Variants in CFAP46 observed in about 807,000 individuals in gnomAD.
The protein encoded by CFAP46 is cilia and flagella associated protein 46, also known as cilia- and flagella-associated protein 46.
CFAP46 carries 245 observed loss-of-function variants against 325.7 expected under a neutral mutation model. That is an observed-to-expected ratio of 0.75 (90% CI 0.68 to 0.84). The LOEUF (loss-of-function observed/expected upper bound fraction) is 0.84. Among genes scored for constraint, CFAP46 ranks in the 40% least tolerant of loss-of-function variants. The pLI, the probability that CFAP46 is intolerant of heterozygous loss-of-function variation, is 0.00. For synonymous variants in CFAP46, 1,523 were observed against 1,495.9 expected (o/e 1.02, Z -0.42); for missense variants, 3,346 against 3,543.0 (o/e 0.94, Z 1.41).
At position 132,834,599 on chromosome 10, in the gene CFAP46, C is replaced by T. The variant is rs974289607; in HGVS notation, c.6866+55G>A. ...ACGTGGTTGGCCACAGCACTGGACA[C>T]ACGTGTCCATGCGTGAGCGTGGTGG... On this transcript the variant is annotated intron_variant, in intron 48 of 57. Coordinates refer to ENST00000368586, the MANE Select transcript of CFAP46 (RefSeq NM_001200049.3). 2.5e-5 allele frequency: 40 copies of T among 1,599,534 alleles called. No individual in the cohort carries two copies. In the African/African-American group the frequency reaches 4.8e-4, roughly 19 times the overall value.
intron 22 of CFAP46, among the ~76,000 whole-genome samples, chr10:132,901,272 C>T (rs750141608): frequency 6.6e-6 from 1 of 152,204 alleles, no homozygotes; most frequent in East Asian, 1.9e-4. Flanking sequence ...GGTTCGTTTA[C>T]GTTTAATGGA....
rs140185143 is a variant in CFAP46, at chr10:132,922,700, G to C, written c.1265C>G (p.Thr422Arg). 3.9e-6 allele frequency: 6 copies of C among 1,546,328 alleles called. No individual in the cohort carries two copies. Among genetic ancestry groups the C allele is most frequent in the Non-Finnish European group, 5.2e-6 (6 of 1,144,014 alleles). Reference sequence around the variant, plus strand: ...CATGTGCACTTGACAGCGGAGAAGCGTCATGAGGCTGCGGGGGTGGCGTGG... The same window carrying C: ...CATGTGCACTTGACAGCGGAGAAGCCTCATGAGGCTGCGGGGGTGGCGTGG... ...DVLEKLDSLM[T>R]LLRCQVHMEM... The change falls in exon 12 of 58, where the codon ACG becomes AGG. Residue 422 changes from threonine (T) to arginine (R), a missense_variant. Coordinates refer to ENST00000368586, the MANE Select transcript of CFAP46 (RefSeq NM_001200049.3).
rs777947074 is a variant in CFAP46, at chr10:132,923,894, C to A, written c.1256+802G>T. ...CCTCCAAAAGGTATAGTCGAGAAAC[C>A]AAGAAGCCAATAGAGAAAACTAAAT... On this transcript the variant is annotated intron_variant, in intron 11 of 57. Transcript: ENST00000368586. Among the ~76,000 whole-genome samples the A allele has an allele frequency of 2.6e-5, 4 of 152,206 alleles. No homozygotes were observed. The East Asian group carries it at 5.8e-4, about 22-fold the overall frequency.
In CFAP46 at chr10:132,881,046, C is replaced by G; in HGVS notation, c.3628-14G>C. 6.5e-7 allele frequency: 1 copy of G among 1,549,942 alleles called. No homozygotes were observed. Among genetic ancestry groups the G allele is most frequent in the Non-Finnish European group, 8.7e-7 (1 of 1,146,630 alleles). On this transcript the variant is annotated splice_polypyrimidine_tract_variant and intron_variant, in intron 27 of 57. Transcript: ENST00000368586. ...CATCTCAGGCTTCTGTGGGATTGAACAGGAAGGGTGACATCCTCAGGATGG... is the reference window on the plus strand; with the variant it reads ...CATCTCAGGCTTCTGTGGGATTGAAGAGGAAGGGTGACATCCTCAGGATGG...
chr10:132,936,997 C>A lies in CFAP46; in HGVS notation c.719G>T (p.Ser240Ile). Residue 240 changes from serine (S) to isoleucine (I), a missense_variant, in exon 7 of 58, where the codon AGC (serine) becomes ATC (isoleucine). Physicochemically the swap from Ser to Ile is moderately radical, Grantham distance 142 (BLOSUM62 -2). Coordinates refer to ENST00000368586, the MANE Select transcript of CFAP46 (RefSeq NM_001200049.3). The part of the protein sequence containing the change: ...QLKEEKKNSI[S>I]LSVTFYINML... ...ATTAATATAGAAAGTGACTGACAGG[C>A]TAATGGAATTTTTCTTTTCTTCCTT... The A allele has an allele frequency of 6.5e-7, 1 of 1,545,904 alleles. No individual in the cohort carries two copies. The highest frequency in any genetic ancestry group is 1.3e-5 in the South Asian group (1 of 78,758).
intron 50 of CFAP46, among the ~76,000 whole-genome samples, chr10:132,826,757 G>A (rs1313181898): frequency 6.6e-6 from 1 of 152,124 alleles, no homozygotes; most frequent in Non-Finnish European, 1.5e-5. Flanking sequence ...TGGAGCCACA[G>A]AGCCAGGCAG....
chr10:132,859,071 C>G lies in CFAP46; in HGVS notation c.5375G>C (p.Arg1792Thr). The G allele has an allele frequency of 6.5e-7, 1 of 1,550,236 alleles. No homozygotes were observed. Among genetic ancestry groups the G allele is most frequent in the Admixed American group, 2.0e-5 (1 of 50,994 alleles). ...GCAGGGGTCGTGGAGGCAGCCTTAC[C>G]TCTTGATCTTCGCACGCTCTAGTTT... ...DVKLERAKIK[R>T]LRAQNEKDEE... The change falls in exon 38 of 58, where the codon AGG (arginine) becomes ACG (threonine). Residue 1792 changes from arginine to threonine, a missense_variant and splice_region_variant. Physicochemically the swap from Arg to Thr is moderately conservative, Grantham distance 71. Transcript: ENST00000368586.
chr10:132,910,426 G>T (rs1260824757), intron 19 of CFAP46, among the ~76,000 whole-genome samples: 3 of 152,252 alleles, frequency 2.0e-5, no homozygotes, highest in Admixed American at 1.3e-4. Flanking sequence ...AGCCCCGAAA[G>T]TGGGGGCGTG....
rs899709488 is a variant in CFAP46, at chr10:132,832,398, C to CCCCCGG, written c.7117+959_7117+960insCCGGGG. On this transcript the variant is annotated intron_variant, in intron 50 of 57. Coordinates refer to ENST00000368586, the MANE Select transcript of CFAP46 (RefSeq NM_001200049.3). The surrounding 1 kb of genome is among the most constrained non-coding windows in gnomAD (Gnocchi z 4.1). ...CCCTGGGCTCTTCCTGCCCCCCCCC[C>CCCCCGG]CCAATGCTGTGGCCTGGAAATTCCC... is the stretch of plus-strand genomic sequence containing the variant. 1.7e-4 allele frequency among the ~76,000 whole-genome samples: 23 copies of CCCCCGG among 133,006 alleles called. No homozygotes were observed. Among genetic ancestry groups the CCCCCGG allele is most frequent in the African/African-American group, 6.0e-4 (21 of 35,158 alleles). 87.3% of individuals were successfully genotyped at this position (133,006 alleles called of 152,430 possible). A position where few individuals can be genotyped will look rare whatever the true frequency, so the allele number is the denominator to read the frequency against.
chr10:132,918,436 T>G lies in CFAP46; in HGVS notation c.1943A>C (p.Asp648Ala), dbSNP rs1292577431. 7.1e-6 allele frequency: 11 copies of G among 1,548,482 alleles called. No homozygotes were observed. The highest frequency in any genetic ancestry group is 9.6e-6 in the Non-Finnish European group (11 of 1,146,018). Reference sequence around the variant, plus strand: ...CACCTCCGCGAACTTCCGCAGCAGGTCGGGGCACACCTGCCTCTGCAGGAC... The same window carrying G: ...CACCTCCGCGAACTTCCGCAGCAGGGCGGGGCACACCTGCCTCTGCAGGAC... Reference protein sequence around the residue: ...EVVLQRQVCPDLLRKFAEVGF... With the variant: ...EVVLQRQVCPALLRKFAEVGF... The change falls in exon 16 of 58, where the codon GAC (aspartate) becomes GCC (alanine). Residue 648 changes from aspartate to alanine, a missense_variant. Asp to Ala is a moderately radical substitution (Grantham distance 126, BLOSUM62 -2). Transcript: ENST00000368586.
rs2135430233 is a variant in CFAP46 at position 132,889,177 on chromosome 10, G to C, written c.3304+3156C>G. Among the ~76,000 whole-genome samples, 1 of 152,282 alleles carries C rather than the reference G, an allele frequency of 6.6e-6. No individual in the cohort carries two copies. Among genetic ancestry groups the C allele is most frequent in the East Asian group, 1.9e-4 (1 of 5,182 alleles). ...CTGGAGTCCGTGTCATCCTGCACCA[G>C]CCCCGTCATGCTATCAGCAGGACCC... On this transcript the variant is annotated intron_variant, in intron 25 of 57. Coordinates refer to ENST00000368586, the MANE Select transcript of CFAP46 (RefSeq NM_001200049.3). The surrounding 1 kb of genome is among the most constrained non-coding windows in gnomAD (Gnocchi z 6.0).
intron 50 of CFAP46, among the ~76,000 whole-genome samples, chr10:132,816,328 CTTTTTTTTTTT>C (rs1008391673): frequency 3.4e-5 from 4 of 118,842 alleles, no homozygotes; most frequent in East Asian, 2.4e-4. Flanking sequence ...CTGACTTCTT[CTTTTTTTTTTT>C]TTTTTTTTTT....
intron 22 of CFAP46, among the ~76,000 whole-genome samples, chr10:132,904,366 G>A (rs1315821235): frequency 6.7e-6 from 1 of 150,162 alleles, no homozygotes; most frequent in East Asian, 2.0e-4. Context: ...TGGTGGAAAG[G>A]CGCCAACACT....
In CFAP46 at chr10:132,845,927, G is replaced by T. The variant is rs1215485342; in HGVS notation, c.6438+130C>A. On this transcript the variant is annotated intron_variant, in intron 44 of 57. Transcript: ENST00000368586. ...CCAGGTGCACATGGCTGGGGGCACG[G>T]GGAGGGATGGCTCATGAGCTGGGGG... is the stretch of plus-strand genomic sequence containing the variant. The T allele has an allele frequency of 9.7e-6, 10 of 1,031,758 alleles. No individual in the cohort carries two copies. The African/African-American group carries it at 1.6e-4, about 17-fold the overall frequency. 63.9% of individuals were successfully genotyped at this position (1,031,758 alleles called of 1,614,324 possible). A position where few individuals can be genotyped will look rare whatever the true frequency, so the allele number is the denominator to read the frequency against.
intron 50 of CFAP46, among the ~76,000 whole-genome samples, chr10:132,816,845 A>G (rs184495991): frequency 1.1e-4 from 17 of 152,310 alleles, no homozygotes; most frequent in East Asian, 9.6e-4. Context: ...GATGGAAAAA[A>G]GTCTGCCTTC....
rs921172732 is a variant in CFAP46 at position 132,877,841 on chromosome 10, C to T, written c.4212+40G>A. 21 of 1,541,220 alleles carry T rather than the reference C, an allele frequency of 1.4e-5. No homozygotes were observed. The highest frequency in any genetic ancestry group is 3.9e-5 in the Admixed American group (2 of 50,922). On this transcript the variant is annotated intron_variant, in intron 30 of 57. Coordinates refer to ENST00000368586, the MANE Select transcript of CFAP46 (RefSeq NM_001200049.3). The surrounding 1 kb of genome is among the most constrained non-coding windows in gnomAD (Gnocchi z 5.7). ...GCAGGGAAACTGAGGCACAGGCCAT[C>T]CTGGGCCCGGCCTCTGCACCGTGGC... is the stretch of plus-strand genomic sequence containing the variant.
chr10:132,821,740 TGCGCTGATGTGTGC>T (rs1847838941), intron 50 of CFAP46, among the ~76,000 whole-genome samples: 2 of 126,036 alleles, frequency 1.6e-5, no homozygotes, highest in Non-Finnish European at 3.5e-5. Context: ...GTGCTGTGTG[TGCGCTGATGTGTGC>T]TGTGTGTGTG....
At chr10:132,880,822 C>T (rs571422475) in intron 28 of CFAP46, 39 bp downstream of exon 28, 54 of 1,529,208 alleles carry the variant, frequency 3.5e-5, no homozygotes, top group East Asian at 1.7e-4. Flanking sequence ...CTCTGGGGAG[C>T]GGCGTGGGGT....
At chr10:132,863,283 A>G (rs1051104320) in intron 35 of CFAP46, among the ~76,000 whole-genome samples, 3 of 152,016 alleles carry the variant, frequency 2.0e-5, no homozygotes, top group African/African-American at 7.3e-5. Context: ...GCCTCTGCCC[A>G]CCTCGGAGGC....
Sources: allele counts gnomAD v4.1 joint callset (sites outside exome capture counted in the v4.1 genomes callset), GRCh38; gene constraint gnomAD v4.1.1; non-coding constraint Gnocchi (gnomAD v3.1); transcripts MANE v1.5; gene names NCBI Gene and HGNC (gene_info 2026-07-23, HGNC 2026-07-21).